CSMD1: variants seen among roughly 807,000 people sequenced by gnomAD.
CSMD1 encodes the protein CUB and Sushi multiple domains 1, also known as CUB and sushi domain-containing protein 1.
CSMD1 carries 213 observed loss-of-function variants against 417.5 expected under a neutral mutation model. The ratio of observed to expected loss-of-function variants is 0.51; its 90% CI spans 0.46 to 0.57. The LOEUF (loss-of-function observed/expected upper bound fraction) is 0.57. Among genes scored for constraint, CSMD1 ranks in the 20% least tolerant of loss-of-function variants. The pLI, the probability that CSMD1 is intolerant of heterozygous loss-of-function variation, is 0.00. For synonymous variants in CSMD1, 2,862 were observed against 1,736.8 expected (o/e 1.65, Z -16.11); for missense variants, 6,923 against 4,529.7 (o/e 1.53, Z -15.17).
At chr8:3,233,240 C>T (rs1165857422) in intron 26 of CSMD1, among the ~76,000 whole-genome samples, 1 of 152,064 alleles carries the variant, frequency 6.6e-6, no homozygotes, top group Non-Finnish European at 1.5e-5. Flanking sequence ...TTGTATTAAT[C>T]ATTTGTAAAT....
intron 12 of CSMD1, among the ~76,000 whole-genome samples, chr8:3,436,783 TTCTTC>T (rs2117042413): frequency 1.3e-5 from 2 of 152,326 alleles, no homozygotes; most frequent in East Asian, 3.9e-4. Context: ...AGATATTTTC[TTCTTC>T]TCTTCTCAAA....
intron 10 of CSMD1, among the ~76,000 whole-genome samples, chr8:3,564,642 TTAGTTCTGA>T (rs141369695): frequency 0.35 from 52,600 of 151,272 alleles, 9,470 homozygotes; most frequent in African/African-American, 0.44. Flanking sequence ...ATAAATCTAT[TTAGTTCTGA>T]AAGTTAAGAA....
chr8:3,220,991 G>A (rs576197619), intron 28 of CSMD1, among the ~76,000 whole-genome samples: 1 of 152,138 alleles, frequency 6.6e-6, no homozygotes, highest in Non-Finnish European at 1.5e-5. Context: ...GCAGAAATTT[G>A]GGACAACTGA....
chr8:3,844,175 G>C (rs974869706), intron 5 of CSMD1, among the ~76,000 whole-genome samples: 2 of 152,092 alleles, frequency 1.3e-5, no homozygotes, highest in African/African-American at 2.4e-5. Context: ...ACTTAGAAAG[G>C]CTTATTTTTA....
intron 68 of CSMD1, among the ~76,000 whole-genome samples, chr8:2,945,220 C>A (rs1802142207): frequency 6.6e-6 from 1 of 152,180 alleles, no homozygotes; most frequent in Non-Finnish European, 1.5e-5. Flanking sequence ...GTCCTTCCAA[C>A]AATGTACTCG....
intron 2 of CSMD1, among the ~76,000 whole-genome samples, chr8:4,531,005 G>C (rs778428179): frequency 6.6e-6 from 1 of 151,966 alleles, no homozygotes; most frequent in African/African-American, 2.4e-5. Context: ...CACATGAACT[G>C]CCACCCCATC....
At chr8:4,155,502 T>C (rs1796788635) in intron 3 of CSMD1, among the ~76,000 whole-genome samples, 1 of 152,194 alleles carries the variant, frequency 6.6e-6, no homozygotes, top group South Asian at 2.1e-4. Context: ...GAAAGTATCG[T>C]TCTTAAACGC....
chr8:3,969,817 G>A (rs190551228), intron 5 of CSMD1, among the ~76,000 whole-genome samples: 114 of 152,206 alleles, frequency 7.5e-4, no homozygotes, highest in Non-Finnish European at 1.1e-3. Flanking sequence ...AGAAAGACGG[G>A]GAGATTTTTA....
intron 5 of CSMD1, among the ~76,000 whole-genome samples, chr8:3,817,626 G>A (rs886734622): frequency 5.3e-5 from 8 of 151,944 alleles, no homozygotes; most frequent in African/African-American, 1.9e-4. Flanking sequence ...ATATTCATCT[G>A]GCATTTTAGG....
intron 1 of CSMD1, among the ~76,000 whole-genome samples, chr8:4,943,413 G>A (rs1024593910): frequency 3.3e-5 from 5 of 151,752 alleles, no homozygotes; most frequent in South Asian, 2.1e-4. Flanking sequence ...GGAGAATGGC[G>A]TGAACCCGGG....
chr8:4,905,759 G>C (rs924757714), intron 1 of CSMD1, among the ~76,000 whole-genome samples: 26 of 145,276 alleles, frequency 1.8e-4, no homozygotes, highest in Non-Finnish European at 3.0e-5. Context: ...GGCGGAGCTT[G>C]CAGTGAGCCG....
intron 1 of CSMD1, among the ~76,000 whole-genome samples, chr8:4,925,616 G>A (rs532499083): frequency 1.3e-5 from 2 of 150,058 alleles, no homozygotes; most frequent in Non-Finnish European, 3.0e-5. Context: ...GTGCAGTCTC[G>A]GCTCACTGCA....
chr8:4,146,273 G>C lies in CSMD1; in HGVS notation c.416-114174C>G, dbSNP rs183917306. On this transcript the variant is annotated intron_variant, in intron 3 of 69. Transcript: ENST00000635120. The stretch of plus-strand genomic sequence containing the variant: ...CCTCATCCACTCGAGGCAGTAATTC[G>C]CGTAGTGCAGTCGGCACAGTGCCAT... 7.9e-5 allele frequency among the ~76,000 whole-genome samples: 12 copies of C among 151,000 alleles called. 3 individuals carry two copies. Among genetic ancestry groups the C allele is most frequent in the African/African-American group, 2.7e-4 (11 of 40,398 alleles).
At chr8:4,305,373 G>T (rs1484648186) in intron 3 of CSMD1, among the ~76,000 whole-genome samples, 1 of 152,144 alleles carries the variant, frequency 6.6e-6, no homozygotes, top group African/African-American at 2.4e-5. Flanking sequence ...GGGGCTTGCA[G>T]GGATAGAGCA....
intron 1 of CSMD1, among the ~76,000 whole-genome samples, chr8:4,725,399 A>G (rs570274971): frequency 1.3e-5 from 2 of 152,324 alleles, no homozygotes; most frequent in Admixed American, 6.5e-5. Flanking sequence ...TGAAAGCGCA[A>G]TAATATAAAC....
chr8:3,490,153 A>G (rs1359327576), intron 11 of CSMD1, among the ~76,000 whole-genome samples: 1 of 152,210 alleles, frequency 6.6e-6, no homozygotes, highest in African/African-American at 2.4e-5. Flanking sequence ...CACTAAGGAC[A>G]TATATCAGTG....
chr8:3,305,394 T>C (rs1256557799), intron 25 of CSMD1, among the ~76,000 whole-genome samples: 3 of 152,222 alleles, frequency 2.0e-5, no homozygotes, highest in Non-Finnish European at 4.4e-5. Flanking sequence ...TGAAATTTAA[T>C]TGCCATTGTA....
chr8:3,661,106 G>C (rs2117452034), intron 7 of CSMD1, among the ~76,000 whole-genome samples: 1 of 152,290 alleles, frequency 6.6e-6, no homozygotes. Context: ...GGTTCCATCT[G>C]TTAAAGCAAA....
At chr8:3,147,890 C>G (rs1043198583) in intron 40 of CSMD1, among the ~76,000 whole-genome samples, 4 of 152,158 alleles carry the variant, frequency 2.6e-5, no homozygotes, top group African/African-American at 9.7e-5. Flanking sequence ...TGGTTACTTG[C>G]GTGAACTACC....
Sources: allele counts gnomAD v4.1 joint callset (sites outside exome capture counted in the v4.1 genomes callset), GRCh38; gene constraint gnomAD v4.1.1; transcripts MANE v1.5; gene names NCBI Gene and HGNC (gene_info 2026-07-23, HGNC 2026-07-21).